The following NR1D2 variants were observed in gnomAD, a reference collection of about 807,000 sequenced individuals.
NR1D2 encodes V-erbA-related protein 1-related.
A neutral mutation model predicts 52.2 loss-of-function variants in NR1D2; 25 were observed. The observed-to-expected ratio is 0.48, with a 90% CI of 0.35 to 0.67. NR1D2 has a LOEUF of 0.67. Among genes scored for constraint, NR1D2 ranks in the 30% least tolerant of loss-of-function variants. The pLI is 0.01. For synonymous variants in NR1D2, 259 were observed against 230.1 expected (o/e 1.13, Z -1.14); for missense variants, 681 against 707.2 (o/e 0.96, Z 0.42).
In NR1D2 at chr3:23,947,206, C is replaced by T. The variant is rs919025978; in HGVS notation, c.16+1612C>T. Among the ~76,000 whole-genome samples the T allele has an allele frequency of 3.3e-5, 5 of 152,296 alleles. No individual in the cohort carries two copies. In the South Asian group the frequency reaches 1.0e-3, roughly 32 times the overall value. ...GAACCTCTTCTAACCCACCCTTTAG[C>T]ATGAATTCTAATAGCTTTAGTAACC... On this transcript the variant is annotated intron_variant, in intron 1 of 7. Transcript: ENST00000312521.
intron 6 of NR1D2, among the ~76,000 whole-genome samples, 167 bp from the exon 7 acceptor site, chr3:23,967,646 T>C (rs535988443): frequency 6.6e-6 from 1 of 151,646 alleles, no homozygotes; most frequent in South Asian, 2.1e-4. Flanking sequence ...ATATAGAATA[T>C]AGAATAGAAT....
rs2125302798 is a variant in NR1D2 at position 23,980,589 on chromosome 3, G to C, written c.*3170G>C. ...TTCTGAGAAGTAATCTGTATGTGGG[G>C]GGAGGGGATAATAAATATTTCTAAC... On this transcript the variant is annotated 3_prime_UTR_variant, in exon 8 of 8. Transcript: ENST00000312521. 1 of 152,150 alleles carries C rather than the reference G, an allele frequency of 6.6e-6. No individual in the cohort carries two copies. The highest frequency in any genetic ancestry group is 2.1e-4 in the South Asian group (1 of 4,818). 9.4% of individuals were successfully genotyped at this position (152,150 alleles called of 1,614,324 possible). A position where few individuals can be genotyped will look rare whatever the true frequency, so the allele number is the denominator to read the frequency against.
At chr3:23,956,376 T>C (rs906122008) in intron 3 of NR1D2, among the ~76,000 whole-genome samples, 4 of 152,264 alleles carry the variant, frequency 2.6e-5, no homozygotes, top group Non-Finnish European at 4.4e-5. Context: ...AACATACTTA[T>C]TGTGTTAAAC....
At chr3:23,952,161 C>G (rs1705950051) in intron 1 of NR1D2, among the ~76,000 whole-genome samples, 1 of 152,122 alleles carries the variant, frequency 6.6e-6, no homozygotes, top group African/African-American at 2.4e-5. Context: ...AGGGCCCACA[C>G]TTTGAGATGG....
intron 7 of NR1D2, 106 bp downstream of exon 7, chr3:23,968,129 C>T (rs1228262774): frequency 2.4e-6 from 2 of 820,666 alleles, no homozygotes; most frequent in African/African-American, 3.4e-5. Context: ...GGGAATAAGG[C>T]CTTAAGGAAG....
chr3:23,960,246 CAA>C (rs199961854), intron 4 of NR1D2, among the ~76,000 whole-genome samples: 1 of 150,794 alleles, frequency 6.6e-6, no homozygotes, highest in Admixed American at 6.6e-5. Context: ...ACTAAAAATG[CAA>C]AAAAAAATTA....
At position 23,954,701 on chromosome 3, in the gene NR1D2, G is replaced by C. The variant is rs1204638551; in HGVS notation, c.181G>C (p.Ala61Pro). The part of the protein sequence containing the change: ...TNGNPKNGDL[A>P]NIEGILKNDR... ...TGGTAATCCCAAGAATGGTGATCTC[G>C]CCAATATTGAAGGCATCTTGAAGAA... Residue 61 changes from alanine (A) to proline (P), a missense_variant, in exon 2 of 8, where the codon GCC becomes CCC. This residue lies in a region of NR1D2 where 94 missense variants were observed against 90.4 expected (regional missense o/e 1.04). Transcript: ENST00000312521. The C allele has an allele frequency of 6.2e-7, 1 of 1,613,876 alleles. No individual in the cohort carries two copies. The highest frequency in any genetic ancestry group is 1.1e-5 in the South Asian group (1 of 91,068).
intron 1 of NR1D2, among the ~76,000 whole-genome samples, chr3:23,945,880 C>T (rs964246781): frequency 1.3e-5 from 2 of 150,826 alleles, no homozygotes; most frequent in African/African-American, 4.9e-5. Flanking sequence ...TGTTTACGTT[C>T]GGCGGCGCGC....
intron 7 of NR1D2, among the ~76,000 whole-genome samples, 187 bp downstream of exon 7, chr3:23,968,210 C>A (rs1311420572): frequency 6.6e-6 from 1 of 152,190 alleles, no homozygotes; most frequent in Admixed American, 6.5e-5. Context: ...TGTCAAAGTA[C>A]TATAGGAATA....
chr3:23,958,244 C>T (rs1430756373), intron 3 of NR1D2, among the ~76,000 whole-genome samples: 2 of 152,196 alleles, frequency 1.3e-5, no homozygotes, highest in Non-Finnish European at 2.9e-5. Flanking sequence ...TAGGCCTTGC[C>T]ATTGTCAGCA....
At chr3:23,947,365 T>TC (rs1705764858) in intron 1 of NR1D2, among the ~76,000 whole-genome samples, 1 of 152,198 alleles carries the variant, frequency 6.6e-6, no homozygotes, top group Admixed American at 6.5e-5. Context: ...ACCATCCCCT[T>TC]CCCCCTTCAG....
chr3:23,952,485 G>A (rs1033953449), intron 1 of NR1D2, among the ~76,000 whole-genome samples: 4 of 151,876 alleles, frequency 2.6e-5, no homozygotes, highest in Admixed American at 6.6e-5. Flanking sequence ...GGAGGCGGGC[G>A]GATCATCTGA....
Position 23,978,345 on chromosome 3 carries a change from C to T in NR1D2, c.*926C>T, listed in dbSNP as rs1030007766. The stretch of plus-strand genomic sequence containing the variant: ...GGTGTCAAAAGACCCAAATTAGGTG[C>T]ATTTTACTTGTTTATGATGGCATAA... On this transcript the variant is annotated 3_prime_UTR_variant, in exon 8 of 8. Transcript: ENST00000312521. The T allele has an allele frequency of 6.6e-6, 1 of 152,112 alleles. No individual in the cohort carries two copies. Among genetic ancestry groups the T allele is most frequent in the Non-Finnish European group, 1.5e-5 (1 of 68,000 alleles). The allele number at this position is 152,112 out of a possible 1,614,324, so 9.4% of individuals were successfully genotyped here.
chr3:23,967,271 T>C (rs1706471922), intron 6 of NR1D2, among the ~76,000 whole-genome samples: 2 of 147,282 alleles, frequency 1.4e-5, no homozygotes, highest in African/African-American at 2.5e-5. Context: ...TGCAGTGAGC[T>C]GAGATCGTGC....
intron 1 of NR1D2, among the ~76,000 whole-genome samples, chr3:23,951,265 A>G (rs1385000020): frequency 6.6e-6 from 1 of 152,146 alleles, no homozygotes; most frequent in African/African-American, 2.4e-5. Flanking sequence ...TGTGAACATA[A>G]ATGACTGAAA....
chr3:23,973,657 T>C (rs1706647878), intron 7 of NR1D2, among the ~76,000 whole-genome samples: 2 of 152,096 alleles, frequency 1.3e-5, no homozygotes, highest in Non-Finnish European at 2.9e-5. Context: ...CTAAATTTAT[T>C]AAAATTTTTT....
intron 6 of NR1D2, among the ~76,000 whole-genome samples, chr3:23,965,991 C>G (rs1035976620): frequency 1.3e-5 from 2 of 152,208 alleles, no homozygotes; most frequent in Admixed American, 1.3e-4. Flanking sequence ...TGTCCCGCTT[C>G]TCTTGCAACA....
At chr3:23,956,618 C>G (rs1407410638) in intron 3 of NR1D2, among the ~76,000 whole-genome samples, 1 of 152,076 alleles carries the variant, frequency 6.6e-6, no homozygotes, top group Non-Finnish European at 1.5e-5. Context: ...AAAAATAATG[C>G]CAAGTGAGTA....
intron 1 of NR1D2, chr3:23,946,712 A>G (rs1291256776): frequency 6.6e-6 from 1 of 152,216 alleles, no homozygotes; most frequent in African/African-American, 2.4e-5. Context: ...TTAAATTAAA[A>G]AAAAATTAAC....
Sources: gnomAD v4.1 joint callset for allele counts (sites outside exome capture counted in the v4.1 genomes callset) on GRCh38, gnomAD v4.1.1 for gene constraint, gnomAD v4.1.1 regional missense constraint, MANE v1.5 for transcripts, NCBI Gene and HGNC (gene_info 2026-07-23, HGNC 2026-07-21) for gene names.